ARFIP1: variants seen among roughly 807,000 people sequenced by gnomAD.
ARFIP1 encodes ARF interacting protein 1, also known as arfaptin-1.
In ARFIP1, 24 loss-of-function variants were observed where a neutral mutation model predicts 42.5. The ratio of observed to expected loss-of-function variants is 0.57; its 90% CI spans 0.41 to 0.80. The LOEUF is 0.80. ARFIP1 is among the 30% of genes least tolerant of loss of function. The pLI, the probability that ARFIP1 is intolerant of heterozygous loss-of-function variation, is 0.00. For synonymous variants in ARFIP1, 141 were observed against 153.7 expected (o/e 0.92, Z 0.61); for missense variants, 354 against 434.0 (o/e 0.82, Z 1.64).
intron 8 of ARFIP1, among the ~76,000 whole-genome samples, chr4:152,890,688 A>G (rs1389810309): frequency 6.6e-6 from 1 of 152,240 alleles, no homozygotes. Context: ...TTTCTGTTTG[A>G]TCCAGTGTTT....
chr4:152,800,185 T>C (rs1728285549), intron 1 of ARFIP1, among the ~76,000 whole-genome samples: 1 of 152,214 alleles, frequency 6.6e-6, no homozygotes, highest in African/African-American at 2.4e-5. Flanking sequence ...TTTATGACTT[T>C]AAAATTCCCT....
chr4:152,902,214 G>A (rs60511360), intron 8 of ARFIP1, among the ~76,000 whole-genome samples: 57,197 of 152,090 alleles, frequency 0.38, 11,376 homozygotes, highest in Admixed American at 0.48. Flanking sequence ...ACTTAAGACT[G>A]TACAAGGCCA....
At chr4:152,822,337 A>G (rs1037047547) in intron 1 of ARFIP1, among the ~76,000 whole-genome samples, 1 of 151,672 alleles carries the variant, frequency 6.6e-6, no homozygotes, top group Non-Finnish European at 1.5e-5. Flanking sequence ...TCATTATATA[A>G]TAGTAAAAAG....
chr4:152,842,735 A>G (rs944012367), intron 2 of ARFIP1, among the ~76,000 whole-genome samples: 2 of 152,132 alleles, frequency 1.3e-5, no homozygotes, highest in African/African-American at 4.8e-5. Flanking sequence ...TTGGATTTCT[A>G]AAAGTGTTTC....
chr4:152,798,089 C>G (rs553077234), intron 1 of ARFIP1, among the ~76,000 whole-genome samples: 12 of 152,234 alleles, frequency 7.9e-5, no homozygotes, highest in African/African-American at 2.6e-4. Flanking sequence ...GAAACTCTGT[C>G]TCTACAAAAA....
At chr4:152,798,258 G>A (rs186622043) in intron 1 of ARFIP1, among the ~76,000 whole-genome samples, 21 of 152,252 alleles carry the variant, frequency 1.4e-4, no homozygotes, top group Admixed American at 1.0e-3. Context: ...GCGAGACACC[G>A]TCTCAAAAAA....
chr4:152,897,048 CTT>C (rs1445084744), intron 8 of ARFIP1, among the ~76,000 whole-genome samples: 1 of 152,096 alleles, frequency 6.6e-6, no homozygotes, highest in Non-Finnish European at 1.5e-5. Flanking sequence ...AGTGGTTTGT[CTT>C]TTTAAACACA....
intron 4 of ARFIP1, 42 bp from the exon 5 acceptor site, chr4:152,872,410 G>C (rs751063867): frequency 1.1e-5 from 14 of 1,298,680 alleles, no homozygotes; most frequent in Non-Finnish European, 1.5e-5. Context: ...TTCCCTGCTT[G>C]TCTTCATCTG....
chr4:152,823,822 A>ACTGAAATT (rs1476276313), intron 1 of ARFIP1, among the ~76,000 whole-genome samples: 1 of 149,454 alleles, frequency 6.7e-6, no homozygotes, highest in Non-Finnish European at 1.5e-5. Context: ...TACCAATTTT[A>ACTGAAATT]CTGAAATTTT....
chr4:152,879,126 C>T (rs748380735), intron 5 of ARFIP1, among the ~76,000 whole-genome samples: 44 of 151,810 alleles, frequency 2.9e-4, no homozygotes, highest in Non-Finnish European at 5.0e-4. Context: ...ATCTCTCACC[C>T]GTCCTGTTAT....
intron 8 of ARFIP1, among the ~76,000 whole-genome samples, chr4:152,896,904 T>A (rs1485558171): frequency 6.6e-6 from 1 of 152,214 alleles, no homozygotes; most frequent in Non-Finnish European, 1.5e-5. Flanking sequence ...TTGGTGAGAA[T>A]AGAAAAAGTT....
At chr4:152,877,433 A>G (rs760467679) in intron 5 of ARFIP1, among the ~76,000 whole-genome samples, 4 of 152,132 alleles carry the variant, frequency 2.6e-5, no homozygotes, top group East Asian at 1.9e-4. Context: ...TGGAATGGCT[A>G]TATTTACCCA....
rs1412707174 is a variant in ARFIP1, at chr4:152,910,321, T to TA, written c.*103dup. On this transcript the variant is annotated 3_prime_UTR_variant, in exon 9 of 9. Coordinates refer to ENST00000353617, the MANE Select transcript of ARFIP1 (RefSeq NM_001025595.3). ...GGGAAGTGGGAGGGGTGACAAGCAT[T>TA]ATAGTGATTCTTGCACAAACAGCTT... The TA allele has an allele frequency of 5.3e-6, 7 of 1,322,812 alleles. No homozygotes were observed. In the Admixed American group the frequency reaches 1.6e-4, roughly 29 times the overall value. The allele number at this position is 1,322,812 out of a possible 1,614,324, so 81.9% of individuals were successfully genotyped here.
At chr4:152,908,792 A>G (rs1345258864) in intron 8 of ARFIP1, among the ~76,000 whole-genome samples, 1 of 152,102 alleles carries the variant, frequency 6.6e-6, no homozygotes, top group Non-Finnish European at 1.5e-5. Flanking sequence ...TGTCCCTGAC[A>G]ACCTGTTCTA....
intron 2 of ARFIP1, among the ~76,000 whole-genome samples, chr4:152,860,502 T>C (rs1199908145): frequency 6.6e-6 from 1 of 152,182 alleles, no homozygotes; most frequent in Non-Finnish European, 1.5e-5. Context: ...CCAAAAAGCA[T>C]ACTAAAATGC....
At chr4:152,830,947 G>C (rs934563757) in intron 2 of ARFIP1, among the ~76,000 whole-genome samples, 18 of 152,132 alleles carry the variant, frequency 1.2e-4, no homozygotes, top group African/African-American at 3.6e-4. Flanking sequence ...ATGTCTTCAA[G>C]CTCGAGGTTT....
At chr4:152,818,820 A>G (rs757934319) in intron 1 of ARFIP1, among the ~76,000 whole-genome samples, 3 of 152,172 alleles carry the variant, frequency 2.0e-5, no homozygotes, top group Non-Finnish European at 2.9e-5. Context: ...TGCCAAGTGC[A>G]TAGGAGCTGA....
chr4:152,888,370 C>A, intron 8 of ARFIP1, 63 bp downstream of exon 8: 1 of 1,201,280 alleles, frequency 8.3e-7, no homozygotes, highest in Non-Finnish European at 1.1e-6. Flanking sequence ...GAGAGATAGT[C>A]AGTTTTTCTG....
At chr4:152,811,090 C>CTTTTTTTTTTTTTTTTTTTTT (rs5863021) in intron 1 of ARFIP1, among the ~76,000 whole-genome samples, 1 of 74,430 alleles carries the variant, frequency 1.3e-5, no homozygotes, top group Non-Finnish European at 2.5e-5. Flanking sequence ...AAGGTTAAGC[C>CTTTTTTTTTTTTTTTTTTTTT]TTTTTTTTTT....
Sources: allele counts gnomAD v4.1 joint callset (sites outside exome capture counted in the v4.1 genomes callset), GRCh38; gene constraint gnomAD v4.1.1; transcripts MANE v1.5; gene names NCBI Gene and HGNC (gene_info 2026-07-23, HGNC 2026-07-21).